Variants in MED24 observed in about 807,000 individuals in gnomAD.
MED24 encodes the protein mediator complex subunit 24.
In MED24, 74 loss-of-function variants were observed where a neutral mutation model predicts 118.8. The observed-to-expected ratio is 0.62, with a 90% confidence interval of 0.52 to 0.76. MED24 has a LOEUF of 0.76. MED24 is among the 30% of genes least tolerant of loss of function. The pLI is 0.00. For synonymous variants in MED24, 521 were observed against 523.9 expected (o/e 0.99, Z 0.08); for missense variants, 1,041 against 1,278.9 (o/e 0.81, Z 2.84).
chr17:40,049,833 C>T (rs915055777), intron 3 of MED24, among the ~76,000 whole-genome samples: 5 of 151,014 alleles, frequency 3.3e-5, no homozygotes, highest in Non-Finnish European at 5.9e-5. Context: ...CTTAATTTTT[C>T]GACTTTATGA....
chr17:40,028,740 C>A (rs1983016654), intron 14 of MED24, 86 bp downstream of exon 14: 3 of 1,558,118 alleles, frequency 1.9e-6, no homozygotes, highest in Non-Finnish European at 2.6e-6. Flanking sequence ...AGACCCAGAC[C>A]CAGGCACCTG....
chr17:40,037,100 G>A (rs1005789332), intron 3 of MED24, among the ~76,000 whole-genome samples: 9 of 152,114 alleles, frequency 5.9e-5, no homozygotes, highest in African/African-American at 2.2e-4. Context: ...AGAGCTGCTT[G>A]AGCCTGGGAG....
chr17:40,023,606 G>A (rs1477419510), intron 19 of MED24: 8 of 528,792 alleles, frequency 1.5e-5, no homozygotes, highest in Admixed American at 1.1e-4. Context: ...AGGACACAAA[G>A]CCTATAAATA....
chr17:40,045,267 G>T (rs1985035954), intron 3 of MED24, among the ~76,000 whole-genome samples: 1 of 152,008 alleles, frequency 6.6e-6, no homozygotes, highest in South Asian at 2.1e-4. Context: ...TGGCCAACAT[G>T]ATGAAACCCT....
chr17:40,037,480 C>A (rs1006006000), intron 3 of MED24, among the ~76,000 whole-genome samples: 1 of 152,070 alleles, frequency 6.6e-6, no homozygotes, highest in Non-Finnish European at 1.5e-5. Context: ...CAGTGACCAC[C>A]ACAAACTTGA....
chr17:40,035,595 A>G, intron 5 of MED24, 127 bp downstream of exon 5: 1 of 1,032,710 alleles, frequency 9.7e-7, no homozygotes, highest in Non-Finnish European at 1.4e-6. Flanking sequence ...GTAAGTGTAG[A>G]TGGGCAGGTG....
At position 40,026,995 on chromosome 17, in the gene MED24, A is replaced by C. The variant is rs972501635; in HGVS notation, c.1570T>G (p.Phe524Val). 4 of 1,614,130 alleles carry C rather than the reference A, an allele frequency of 2.5e-6. No individual in the cohort carries two copies. The highest frequency in any genetic ancestry group is 3.4e-6 in the Non-Finnish European group (4 of 1,180,016). Residue 524 changes from phenylalanine (F) to valine (V), a missense_variant, in exon 17 of 26, where the codon TTC (phenylalanine) becomes GTC (valine). Phe to Val is a conservative substitution (Grantham distance 50). Transcript: ENST00000394128. ...SESRTGAEVP[F>V]FETWMQTCMP... ...CAGGTCTGCATCCAGGTCTCGAAGA[A>C]GGGCACCTCAGCTCCTGTGCGCGAC...
chr17:40,038,393 G>A (rs1984187742), intron 3 of MED24, among the ~76,000 whole-genome samples: 1 of 152,048 alleles, frequency 6.6e-6, no homozygotes, highest in African/African-American at 2.4e-5. Flanking sequence ...CTCTGCTGGA[G>A]GAGTGGAAGC....
rs746039476 is a variant in MED24 at position 40,032,771 on chromosome 17, A to C, written c.823-9T>G. On this transcript the variant is annotated splice_polypyrimidine_tract_variant and intron_variant, in intron 8 of 25. Coordinates refer to ENST00000394128, the MANE Select transcript of MED24 (RefSeq NM_014815.4). ...AGTGGGGTGGGGATATGCTGTGGGA[A>C]GAGCCAAGGATGAGGCCTAAGAGGG... The C allele has an allele frequency of 3.3e-5, 53 of 1,609,884 alleles. No individual in the cohort carries two copies. In the Middle Eastern group the frequency reaches 6.6e-4, roughly 20 times the overall value.
At chr17:40,039,944 C>T (rs904271612) in intron 3 of MED24, among the ~76,000 whole-genome samples, 5 of 151,532 alleles carry the variant, frequency 3.3e-5, no homozygotes, top group South Asian at 2.1e-4. Context: ...CCACCACGCC[C>T]GGCTAATTTT....
rs1371806559 is a variant in MED24 at position 40,036,113 on chromosome 17, T to C, written c.252+3A>G. On this transcript the variant is annotated splice_donor_region_variant and intron_variant, in intron 4 of 25. Transcript: ENST00000394128. ...TCTAGCTCCTGAGTGTCTATGGTCA[T>C]ACCTTACTGATGGCTGTGAGGACAG... 2.5e-6 allele frequency: 4 copies of C among 1,611,318 alleles called. No homozygotes were observed. The highest frequency in any genetic ancestry group is 1.1e-5 in the South Asian group (1 of 91,024).
intron 11 of MED24, 82 bp from the exon 12 acceptor site, chr17:40,031,327 T>C (rs938464809): frequency 1.9e-5 from 26 of 1,376,104 alleles, no homozygotes; most frequent in South Asian, 1.4e-4. Context: ...CTGAGCAGCA[T>C]CCTCCCTCTT....
intron 14 of MED24, 99 bp downstream of exon 14, chr17:40,028,727 A>G (rs562263887): frequency 1.3e-6 from 2 of 1,506,102 alleles, no homozygotes; most frequent in South Asian, 1.3e-5. Context: ...GGGTCTCTGG[A>G]TGAGACCCAG....
intron 3 of MED24, among the ~76,000 whole-genome samples, chr17:40,039,130 T>A (rs1485713290): frequency 6.6e-6 from 1 of 152,238 alleles, no homozygotes; most frequent in Non-Finnish European, 1.5e-5. Flanking sequence ...CAATTATGCA[T>A]GTTCCGAGGG....
intron 13 of MED24, among the ~76,000 whole-genome samples, chr17:40,029,238 G>A (rs1193066785): frequency 6.6e-6 from 1 of 152,054 alleles, no homozygotes; most frequent in Non-Finnish European, 1.5e-5. Context: ...TCGCTCTATC[G>A]CTGAGGCTGG....
chr17:40,026,852 T>C lies in MED24; in HGVS notation c.1709+4A>G, dbSNP rs770587060. 3 of 1,611,850 alleles carry C rather than the reference T, an allele frequency of 1.9e-6. No homozygotes were observed. Among genetic ancestry groups the C allele is most frequent in the Non-Finnish European group, 2.5e-6 (3 of 1,178,290 alleles). On this transcript the variant is annotated splice_donor_region_variant and intron_variant, in intron 17 of 25. Transcript: ENST00000394128. ...CCCTTGGAGTGGGCGCCCGGGCCAC[T>C]GACACTAGCTTCATCTCCGAGGAGT...
chr17:40,028,114 G>GTT (rs373788946), intron 14 of MED24, 168 bp from the exon 15 acceptor site: 90 of 595,966 alleles, frequency 1.5e-4, no homozygotes, highest in African/African-American at 3.7e-4. Context: ...TTTGTTTTTT[G>GTT]TTTTTTTTTT....
Position 40,033,121 on chromosome 17 carries a change from T to G in MED24, c.757A>C (p.Thr253Pro), listed in dbSNP as rs763938002. ...TGCGTCTCGCCTGTCAGGTTCATGG[T>G]GCCCTCGAGCAGGATCACGGCGTGG... Reference protein sequence around the residue: ...TVHAVILLEGTMNLTGETQSL... With the variant: ...TVHAVILLEGPMNLTGETQSL... The change falls in exon 8 of 26, where the codon ACC becomes CCC. Residue 253 changes from threonine (T) to proline (P), a missense_variant. This residue lies in a region of MED24 where 434 missense variants were observed against 514.9 expected (regional missense o/e 0.84). Transcript: ENST00000394128. This position sits in a 1 kb window ranked among gnomAD's most constrained non-coding sequence, Gnocchi z 5.2. The G allele has an allele frequency of 1.2e-6, 2 of 1,614,132 alleles. No individual in the cohort carries two copies. Among genetic ancestry groups the G allele is most frequent in the Non-Finnish European group, 8.5e-7 (1 of 1,180,028 alleles).
Position 40,053,353 on chromosome 17 carries a change from C to A in MED24, c.158G>T (p.Gly53Val), listed in dbSNP as rs768389600. The part of the protein sequence containing the change: ...ADALLEQAMI[G>V]PSPNPLILSY... ...CAAGATGAGAGGATTGGGGGATGGT[C>A]CAATCATGGCCTGCTCTAGTAACGC... Residue 53 changes from glycine to valine, a missense_variant, in exon 3 of 26, where the codon GGA (glycine) becomes GTA (valine). Physicochemically the swap from Gly to Val is moderately radical, Grantham distance 109 (BLOSUM62 -3). This residue lies in a region of MED24 where 434 missense variants were observed against 514.9 expected (regional missense o/e 0.84). Transcript: ENST00000394128. The A allele has an allele frequency of 6.8e-6, 11 of 1,612,956 alleles. No individual in the cohort carries two copies. Among genetic ancestry groups the A allele is most frequent in the Non-Finnish European group, 9.3e-6 (11 of 1,179,354 alleles).
Sources: allele counts gnomAD v4.1 joint callset (sites outside exome capture counted in the v4.1 genomes callset), GRCh38; gene constraint gnomAD v4.1.1; regional missense constraint gnomAD v4.1.1; non-coding constraint Gnocchi (gnomAD v3.1); transcripts MANE v1.5; gene names NCBI Gene and HGNC (gene_info 2026-07-23, HGNC 2026-07-21).